Variants in DNAJC13 observed in about 807,000 individuals in gnomAD.
The protein encoded by DNAJC13 is DnaJ heat shock protein family (Hsp40) member C13, also known as dnaJ homolog subfamily C member 13.
A neutral mutation model predicts 290.5 loss-of-function variants in DNAJC13; 75 were observed. That is an observed-to-expected ratio of 0.26 (90% confidence interval 0.21 to 0.31). DNAJC13 has a LOEUF of 0.31. Among genes scored for constraint, DNAJC13 ranks in the 10% least tolerant of loss-of-function variants. DNAJC13 has a pLI of 1.00. For synonymous variants in DNAJC13, 862 were observed against 892.0 expected, an observed-to-expected ratio of 0.97 and a Z score of 0.60; for missense variants, 2,260 against 2,674.5, an observed-to-expected ratio of 0.85 and a Z score of 3.42.
intron 54 of DNAJC13, among the ~76,000 whole-genome samples, chr3:132,529,613 C>T (rs1015105818): frequency 6.6e-6 from 1 of 151,996 alleles, no homozygotes; most frequent in African/African-American, 2.4e-5. Flanking sequence ...CGGTGAAACC[C>T]CGTCTCTACT....
intron 46 of DNAJC13, 115 bp downstream of exon 46, chr3:132,514,785 G>T: frequency 1.4e-6 from 1 of 726,146 alleles, no homozygotes; most frequent in Non-Finnish European, 2.3e-6. Context: ...GTTTTAAAGT[G>T]TTATTTACAC....
At chr3:132,523,463 C>T in intron 50 of DNAJC13, 77 bp from the exon 51 acceptor site, 1 of 1,474,530 alleles carries the variant, frequency 6.8e-7, no homozygotes, top group Non-Finnish European at 9.2e-7. Flanking sequence ...ACATTATAAA[C>T]AATTCTTTAA....
chr3:132,534,737 G>A (rs1309226914), intron 55 of DNAJC13, among the ~76,000 whole-genome samples: 3 of 152,194 alleles, frequency 2.0e-5, no homozygotes, highest in Non-Finnish European at 4.4e-5. Context: ...TAGTATATAA[G>A]ATGTCAGCCC....
chr3:132,479,168 G>C (rs1051468687), intron 24 of DNAJC13, 59 bp from the exon 25 acceptor site: 30 of 1,127,942 alleles, frequency 2.7e-5, no homozygotes, highest in Non-Finnish European at 4.0e-5. Context: ...TCTAGTAATA[G>C]TAATACCTTA....
chr3:132,501,396 AGGCTGAGTATTT>A (rs1279097759), intron 39 of DNAJC13, among the ~76,000 whole-genome samples: 1 of 152,098 alleles, frequency 6.6e-6, no homozygotes, highest in Non-Finnish European at 1.5e-5. Flanking sequence ...GGTATTCGGG[AGGCTGAGTATTT>A]GGCTGAAGAA....
intron 20 of DNAJC13, among the ~76,000 whole-genome samples, chr3:132,472,306 A>G (rs1195606320): frequency 6.6e-6 from 1 of 152,180 alleles, no homozygotes; most frequent in African/African-American, 2.4e-5. Context: ...AATTCTTGAA[A>G]TCTTCTCTTC....
intron 39 of DNAJC13, among the ~76,000 whole-genome samples, chr3:132,501,335 C>T (rs1321794487): frequency 6.6e-6 from 1 of 151,922 alleles, no homozygotes; most frequent in Non-Finnish European, 1.5e-5. Context: ...ACCCTGTCTA[C>T]AAAAAAATAC....
chr3:132,520,469 T>A (rs1419109485), intron 48 of DNAJC13, among the ~76,000 whole-genome samples: 1 of 152,216 alleles, frequency 6.6e-6, no homozygotes, highest in Non-Finnish European at 1.5e-5. Flanking sequence ...TTCTTAGCAT[T>A]TGAAATGCTT....
chr3:132,479,418 G>A (rs1934592840), intron 25 of DNAJC13, 129 bp downstream of exon 25: 1 of 645,790 alleles, frequency 1.5e-6, no homozygotes, highest in Non-Finnish European at 2.7e-6. Context: ...AGAAAGTTCT[G>A]TGTGCTCTAA....
chr3:132,537,107 T>G (rs1936614936), intron 55 of DNAJC13: 2 of 456,186 alleles, frequency 4.4e-6, no homozygotes, highest in Non-Finnish European at 8.8e-6. Flanking sequence ...CTCTGCTGTT[T>G]GCACTTCCTC....
chr3:132,456,440 C>T, intron 10 of DNAJC13, 39 bp downstream of exon 10: 2 of 1,609,802 alleles, frequency 1.2e-6, no homozygotes, highest in South Asian at 1.1e-5. Context: ...TTCCACTCAT[C>T]TACTTAATTT....
At chr3:132,457,451 T>A in intron 13 of DNAJC13, 83 bp downstream of exon 13, 1 of 1,056,040 alleles carries the variant, frequency 9.5e-7, no homozygotes, top group Non-Finnish European at 1.4e-6. Context: ...ATTTTCATTG[T>A]ACCAATAAGT....
In DNAJC13 at chr3:132,482,309, T is replaced by G; in HGVS notation, c.2958T>G (p.Ser986Arg). The change falls in exon 27 of 56, where the codon AGT (serine) becomes AGG (arginine). Residue 986 changes from serine (S) to arginine (R), a missense_variant. By Grantham distance (110) the Ser-to-Arg change is moderately radical. Around this residue, in one of 3 missense-constraint regions of DNAJC13, gnomAD observed 1,494 missense variants for 1,693.7 expected, o/e 0.88. Transcript: ENST00000260818. ...WYFGNADKER[S>R]GPYGFHEMQE... ...TTGGCAACGCAGACAAAGAAAGGAG[T>G]GGCCCGTATGGATTTCATGAGGTAT... The G allele has an allele frequency of 6.2e-7, 1 of 1,613,410 alleles. No individual in the cohort carries two copies. Among genetic ancestry groups the G allele is most frequent in the Non-Finnish European group, 8.5e-7 (1 of 1,179,650 alleles).
intron 2 of DNAJC13, among the ~76,000 whole-genome samples, chr3:132,438,983 T>C (rs1413841475): frequency 6.6e-6 from 1 of 152,212 alleles, no homozygotes; most frequent in Admixed American, 6.5e-5. Context: ...AAAGTTCAGA[T>C]GTTTCAGTTA....
chr3:132,469,963 C>CTTTTTTTTTTTTTTTTTTTTTTTTTTT (rs61726289), intron 20 of DNAJC13, among the ~76,000 whole-genome samples: 2 of 61,156 alleles, frequency 3.3e-5, no homozygotes, highest in African/African-American at 1.1e-4. Context: ...AGCAGAGATT[C>CTTTTTTTTTTTTTTTTTTTTTTTTTTT]TTTTTTTTTT....
At chr3:132,444,134 A>C (rs1933168589) in intron 2 of DNAJC13, among the ~76,000 whole-genome samples, 1 of 152,134 alleles carries the variant, frequency 6.6e-6, no homozygotes, top group African/African-American at 2.4e-5. Flanking sequence ...CACCTCCTGC[A>C]CATGAGAGGG....
intron 40 of DNAJC13, 62 bp from the exon 41 acceptor site, chr3:132,503,152 T>C: frequency 6.5e-7 from 1 of 1,539,402 alleles, no homozygotes; most frequent in South Asian, 1.2e-5. Flanking sequence ...TTCTGTAAAA[T>C]TATAGTATTA....
At chr3:132,488,508 G>T in intron 30 of DNAJC13, 56 bp downstream of exon 30, 1 of 1,453,188 alleles carries the variant, frequency 6.9e-7, no homozygotes, top group Non-Finnish European at 9.2e-7. Flanking sequence ...TATATGGACT[G>T]ATTTAATTGA....
rs1437973449 is a variant in DNAJC13, at chr3:132,471,304, A to ACCTC, written c.2209-1834_2209-1831dup. 2.9e-3 allele frequency among the ~76,000 whole-genome samples: 286 copies of ACCTC among 99,948 alleles called. 4 individuals carry two copies. Among genetic ancestry groups the ACCTC allele is most frequent in the African/African-American group, 0.011 (275 of 25,586 alleles). 65.6% of individuals were successfully genotyped at this position (99,948 alleles called of 152,430 possible). A position where few individuals can be genotyped will look rare whatever the true frequency, so the allele number is the denominator to read the frequency against. ...GGCCGGTCGGGGGGGCTGACCCCCC[A>ACCTC]CCTCCCTCCCGGACGGGGCGGCTGG... On this transcript the variant is annotated intron_variant, in intron 20 of 55. Transcript: ENST00000260818.
Sources: gnomAD v4.1 joint callset for allele counts (sites outside exome capture counted in the v4.1 genomes callset) on GRCh38, gnomAD v4.1.1 for gene constraint, gnomAD v4.1.1 regional missense constraint, MANE v1.5 for transcripts, NCBI Gene and HGNC (gene_info 2026-07-23, HGNC 2026-07-21) for gene names.